The following SIRT1 variants were observed in gnomAD, a reference collection of about 807,000 sequenced individuals.
The protein encoded by SIRT1 is NAD-dependent protein deacetylase sirtuin-1.
A neutral mutation model predicts 67.9 loss-of-function variants in SIRT1; 24 were observed. That is an observed-to-expected ratio of 0.35 (90% CI 0.26 to 0.50). The LOEUF (loss-of-function observed/expected upper bound fraction) is 0.50. SIRT1 is among the 20% of genes least tolerant of loss of function. The probability of loss-of-function intolerance (pLI) is 0.98; values close to 1 mark genes in which losing one functional copy is unlikely to be tolerated. For missense variants in SIRT1, 873 were observed against 937.2 expected (o/e 0.93, Z 0.89); for synonymous variants, 378 against 350.7 (o/e 1.08, Z -0.87).
intron 4 of SIRT1, among the ~76,000 whole-genome samples, chr10:67,896,725 G>C (rs1023305692): frequency 2.4e-5 from 3 of 126,248 alleles, no homozygotes; most frequent in African/African-American, 3.1e-5. Flanking sequence ...TCGCGCTGCT[G>C]TACTCCAGCC....
At chr10:67,914,965 G>A (rs1341057548) in intron 8 of SIRT1, among the ~76,000 whole-genome samples, 1 of 150,708 alleles carries the variant, frequency 6.6e-6, no homozygotes, top group East Asian at 2.0e-4. Flanking sequence ...GGCTCAAGCA[G>A]TCTGCCAGCC....
chr10:67,916,217 A>T (rs1405935594), intron 8 of SIRT1, 48 bp from the exon 9 acceptor site: 2 of 1,500,550 alleles, frequency 1.3e-6, no homozygotes, highest in Non-Finnish European at 1.8e-6. Flanking sequence ...GCTCAGACTG[A>T]GTTAGTGTTA....
chr10:67,900,286 C>G (rs574487591), intron 4 of SIRT1, among the ~76,000 whole-genome samples: 1 of 152,140 alleles, frequency 6.6e-6, no homozygotes, highest in Admixed American at 6.6e-5. Flanking sequence ...GCTGAGATTA[C>G]AGGTGTGTGC....
chr10:67,908,370 T>C, intron 6 of SIRT1, among the ~76,000 whole-genome samples: 1 of 152,208 alleles, frequency 6.6e-6, no homozygotes, highest in East Asian at 1.9e-4. Context: ...GAACATAAAA[T>C]GTCAGATCAT....
At chr10:67,887,362 A>G (rs989327512) in intron 1 of SIRT1, 55 bp from the exon 2 acceptor site, 1 of 1,085,884 alleles carries the variant, frequency 9.2e-7, no homozygotes. Context: ...AACCGTTCAT[A>G]CATTTTAGGT....
At chr10:67,904,114 G>GTTTT in intron 4 of SIRT1, among the ~76,000 whole-genome samples, 2 of 135,948 alleles carry the variant, frequency 1.5e-5, no homozygotes, top group South Asian at 2.4e-4. Context: ...AGATTTTTTA[G>GTTTT]TTTTTTTTGT....
At chr10:67,914,246 AT>A (rs1185776191) in intron 8 of SIRT1, among the ~76,000 whole-genome samples, 1 of 151,818 alleles carries the variant, frequency 6.6e-6, no homozygotes, top group African/African-American at 2.4e-5. Context: ...TGATTCTTGT[AT>A]TTTTAGTAGA....
intron 4 of SIRT1, among the ~76,000 whole-genome samples, chr10:67,892,917 G>C (rs1842595667): frequency 6.6e-6 from 1 of 152,160 alleles, no homozygotes; most frequent in South Asian, 2.1e-4. Context: ...TCACCTTAAT[G>C]TGGTTACTAA....
intron 8 of SIRT1, among the ~76,000 whole-genome samples, chr10:67,915,551 C>T (rs976601411): frequency 6.6e-6 from 1 of 152,128 alleles, no homozygotes; most frequent in Middle Eastern, 3.4e-3. Flanking sequence ...GGTCTTGGGG[C>T]CTGAGATCTC....
At position 67,909,425 on chromosome 10, in the gene SIRT1, C is replaced by T. The variant is rs1483205269; in HGVS notation, c.1340C>T (p.Pro447Leu). 6.2e-7 allele frequency: 1 copy of T among 1,604,298 alleles called. No individual in the cohort carries two copies. Among genetic ancestry groups the T allele is most frequent in the Non-Finnish European group, 8.5e-7 (1 of 1,177,580 alleles). Residue 447 changes from proline to leucine, a missense_variant, in exon 7 of 9, where the codon CCA becomes CTA. Physicochemically the swap from Pro to Leu is moderately conservative, Grantham distance 98. Around this residue, in one of 3 missense-constraint regions of SIRT1, gnomAD observed 251 missense variants for 358.8 expected, o/e 0.70. Coordinates refer to ENST00000212015, the MANE Select transcript of SIRT1 (RefSeq NM_012238.5). ...ATTGGGTCTTCCCTCAAAGTAAGAC[C>T]AGTAGCACTAATTCCAAGTAAGTTG... ...IVIGSSLKVR[P>L]VALIPSSIPH...
intron 4 of SIRT1, among the ~76,000 whole-genome samples, chr10:67,899,838 A>G (rs1334424607): frequency 1.3e-5 from 2 of 152,034 alleles, no homozygotes; most frequent in East Asian, 1.9e-4. Context: ...TAAACCCAGC[A>G]CTTTGGGAGG....
intron 2 of SIRT1, among the ~76,000 whole-genome samples, chr10:67,888,204 A>G (rs1842516606): frequency 6.6e-6 from 1 of 152,220 alleles, no homozygotes; most frequent in Admixed American, 6.5e-5. Flanking sequence ...TACCAAAGGT[A>G]TAACCATCTT....
chr10:67,908,673 G>T (rs1188813129), intron 6 of SIRT1, among the ~76,000 whole-genome samples: 1 of 152,194 alleles, frequency 6.6e-6, no homozygotes, highest in African/African-American at 2.4e-5. Context: ...GGAGGACGAG[G>T]TGGGTCGATC....
chr10:67,906,885 C>T lies in SIRT1; in HGVS notation c.1038C>T (p.Asn346=), dbSNP rs1842828058. 6.2e-7 allele frequency: 1 copy of T among 1,612,258 alleles called. No homozygotes were observed. The change falls in exon 5 of 9, where the codon AAC becomes AAT. Residue 346 remains asparagine (N), a synonymous_variant. Coordinates refer to ENST00000212015, the MANE Select transcript of SIRT1 (RefSeq NM_012238.5). ...EGKLLRNYTQ[N]IDTLEQVAGI... Reference sequence around the variant, plus strand: ...AACTACTTCGCAACTATACCCAGAACATAGACACGCTGGAACAGGTTGCGG... The same window carrying T: ...AACTACTTCGCAACTATACCCAGAATATAGACACGCTGGAACAGGTTGCGG...
At chr10:67,913,129 A>G (rs1047626571) in intron 8 of SIRT1, 98 bp downstream of exon 8, 16 of 1,187,476 alleles carry the variant, frequency 1.3e-5, no homozygotes, top group Admixed American at 2.8e-5. Flanking sequence ...GGGTAGCTTT[A>G]TGTAGTTGAT....
intron 8 of SIRT1, among the ~76,000 whole-genome samples, chr10:67,915,160 G>C (rs1297367832): frequency 2.0e-5 from 3 of 152,174 alleles, no homozygotes; most frequent in African/African-American, 7.2e-5. Flanking sequence ...GTTGTAGTCA[G>C]GGTGAGAACT....
chr10:67,898,305 A>G (rs942582366), intron 4 of SIRT1, among the ~76,000 whole-genome samples: 9 of 151,858 alleles, frequency 5.9e-5, no homozygotes, highest in South Asian at 2.1e-4. Context: ...GGACTATACT[A>G]TGTTCGAAGA....
At chr10:67,907,437 G>T (rs545600803) in intron 5 of SIRT1, among the ~76,000 whole-genome samples, 70 of 149,106 alleles carry the variant, frequency 4.7e-4, no homozygotes, top group African/African-American at 1.7e-3. Flanking sequence ...GGAGGTTGCA[G>T]CGAGCCAAGA....
chr10:67,885,479 T>G, intron 1 of SIRT1: 7 of 923,910 alleles, frequency 7.6e-6, no homozygotes, highest in African/African-American at 1.7e-5. Context: ...TTGTTAGAGC[T>G]TTTTTTTTCT....
Sources: gnomAD v4.1 joint callset for allele counts (sites outside exome capture counted in the v4.1 genomes callset) on GRCh38, gnomAD v4.1.1 for gene constraint, gnomAD v4.1.1 regional missense constraint, MANE v1.5 for transcripts, NCBI Gene and HGNC (gene_info 2026-07-23, HGNC 2026-07-21) for gene names.